The following KLHL20 variants were observed in gnomAD, a reference collection of about 807,000 sequenced individuals.
KLHL20 encodes kelch like family member 20, also known as kelch-like protein 20.
KLHL20 carries 29 observed loss-of-function variants against 69.5 expected under a neutral mutation model. The observed-to-expected ratio is 0.42, with a 90% CI of 0.31 to 0.57. KLHL20 has a LOEUF of 0.57. Among genes scored for constraint, KLHL20 ranks in the 20% least tolerant of loss-of-function variants. KLHL20 has a pLI of 0.18. For synonymous variants in KLHL20, 253 were observed against 265.2 expected, an observed-to-expected ratio of 0.95 and a Z score of 0.45; for missense variants, 419 against 776.0, an observed-to-expected ratio of 0.54 and a Z score of 5.47.
intron 5 of KLHL20, 81 bp from the exon 6 acceptor site, chr1:173,755,842 C>G: frequency 1.2e-6 from 1 of 862,554 alleles, no homozygotes. Context: ...CTTTGCCAAC[C>G]TATATATTCC....
chr1:173,762,096 T>G (rs1647343224), intron 7 of KLHL20, among the ~76,000 whole-genome samples: 1 of 151,970 alleles, frequency 6.6e-6, no homozygotes, highest in African/African-American at 2.4e-5. Flanking sequence ...ATGAACACCT[T>G]TACACATATA....
chr1:173,727,729 C>T (rs1013258844), intron 2 of KLHL20, among the ~76,000 whole-genome samples: 23 of 151,986 alleles, frequency 1.5e-4, no homozygotes, highest in Admixed American at 9.2e-4. Flanking sequence ...CAGACCTGCC[C>T]GAAAAGAGCT....
At chr1:173,722,896 G>A (rs1335678364) in intron 2 of KLHL20, among the ~76,000 whole-genome samples, 1 of 151,856 alleles carries the variant, frequency 6.6e-6, no homozygotes, top group Admixed American at 6.6e-5. Flanking sequence ...CACCATGTTG[G>A]CCAGGCTGGT....
At chr1:173,772,252 CTG>C (rs1458918289) in intron 8 of KLHL20, among the ~76,000 whole-genome samples, 1 of 152,152 alleles carries the variant, frequency 6.6e-6, no homozygotes, top group Admixed American at 6.5e-5. Context: ...GCAGATGAGT[CTG>C]TACCCTTTTG....
At chr1:173,767,210 C>T (rs184192644) in intron 8 of KLHL20, among the ~76,000 whole-genome samples, 3 of 152,116 alleles carry the variant, frequency 2.0e-5, no homozygotes, top group African/African-American at 7.2e-5. Flanking sequence ...TCCATGCCGT[C>T]GAAAATGTCA....
intron 6 of KLHL20, 59 bp downstream of exon 6, chr1:173,756,097 T>C (rs568133030): frequency 1.6e-6 from 2 of 1,212,686 alleles, no homozygotes; most frequent in South Asian, 1.3e-5. Flanking sequence ...GAAACTGTCA[T>C]TTGAAAAATC....
At chr1:173,782,008 A>G (rs1648910540) in intron 10 of KLHL20, 116 bp from the exon 11 acceptor site, 3 of 665,972 alleles carry the variant, frequency 4.5e-6, no homozygotes, top group Non-Finnish European at 7.9e-6. Flanking sequence ...TCAGTAAACC[A>G]GAATGTAAGG....
chr1:173,762,427 T>G (rs1647370209), intron 7 of KLHL20, among the ~76,000 whole-genome samples: 1 of 151,928 alleles, frequency 6.6e-6, no homozygotes, highest in Non-Finnish European at 1.5e-5. Context: ...AGGACATAAC[T>G]AAAAAAGAAA....
intron 10 of KLHL20, chr1:173,781,874 T>C (rs373046600): frequency 1.8e-5 from 6 of 340,284 alleles, no homozygotes; most frequent in Admixed American, 4.4e-5. Flanking sequence ...TCACTTCTAG[T>C]GAACAGTTTT....
chr1:173,771,627 G>A lies in KLHL20; in HGVS notation c.1296-2678G>A, dbSNP rs187620328. On this transcript the variant is annotated intron_variant, in intron 8 of 11. Transcript: ENST00000209884. ...ATATGTATATTTTTTAATTAGCCAG[G>A]CATGGTGGTGCACACCTGTATTCTC... 1.2e-3 allele frequency among the ~76,000 whole-genome samples: 180 copies of A among 152,186 alleles called. 1 individual carries two copies. Among genetic ancestry groups the A allele is most frequent in the Middle Eastern group, 3.4e-3 (1 of 294 alleles).
At chr1:173,776,525 G>C (rs1247951584) in intron 10 of KLHL20, among the ~76,000 whole-genome samples, 1 of 152,050 alleles carries the variant, frequency 6.6e-6, no homozygotes, top group Non-Finnish European at 1.5e-5. Context: ...AGTTTCCCCA[G>C]TGTTTTCTTT....
At chr1:173,749,087 T>G (rs544574793) in intron 3 of KLHL20, among the ~76,000 whole-genome samples, 26 of 152,270 alleles carry the variant, frequency 1.7e-4, no homozygotes, top group African/African-American at 5.8e-4. Context: ...CATGGCTCCA[T>G]GTAGGTGCAA....
chr1:173,771,637 G>A (rs1040715475), intron 8 of KLHL20, among the ~76,000 whole-genome samples: 17 of 152,212 alleles, frequency 1.1e-4, no homozygotes, highest in Middle Eastern at 6.8e-3. Context: ...GCATGGTGGT[G>A]CACACCTGTA....
intron 3 of KLHL20, among the ~76,000 whole-genome samples, chr1:173,750,641 T>C (rs144473192): frequency 1.3e-3 from 198 of 152,234 alleles, no homozygotes; most frequent in African/African-American, 4.5e-3. Context: ...CTCAAACTCC[T>C]GACCTCAAGT....
intron 11 of KLHL20, among the ~76,000 whole-genome samples, chr1:173,783,693 C>A (rs1392858426): frequency 6.6e-6 from 1 of 151,972 alleles, no homozygotes; most frequent in African/African-American, 2.4e-5. Context: ...CATGATGAAA[C>A]CTCGTCTCTA....
rs1649180958 is a variant in KLHL20 at position 173,785,929 on chromosome 1, TAG to T, written c.*685_*686del. On this transcript the variant is annotated 3_prime_UTR_variant, in exon 12 of 12. Transcript: ENST00000209884. Reference sequence around the variant, plus strand: ...TAGTCTTTTTTTCATAATATTCTCATAGAGTTTCTGCTAGATCTAGAGCTCTG... The same window carrying T: ...TAGTCTTTTTTTCATAATATTCTCATAGTTTCTGCTAGATCTAGAGCTCTG... 1 of 152,196 alleles carries T rather than the reference TAG, an allele frequency of 6.6e-6. No homozygotes were observed. Among genetic ancestry groups the T allele is most frequent in the Non-Finnish European group, 1.5e-5 (1 of 68,028 alleles). The allele number at this position is 152,196 out of a possible 1,614,324, so 9.4% of individuals were successfully genotyped here. A position where few individuals can be genotyped will look rare whatever the true frequency, so the allele number is the denominator to read the frequency against.
chr1:173,780,894 T>G (rs148989001), intron 10 of KLHL20, among the ~76,000 whole-genome samples: 1 of 151,932 alleles, frequency 6.6e-6, no homozygotes, highest in Non-Finnish European at 1.5e-5. Flanking sequence ...CATGCCCAGC[T>G]GTTTTTTTGT....
intron 11 of KLHL20, among the ~76,000 whole-genome samples, chr1:173,782,707 T>C (rs1648956355): frequency 6.6e-6 from 1 of 152,234 alleles, no homozygotes; most frequent in Non-Finnish European, 1.5e-5. Context: ...TAAAGCCATT[T>C]TAACTTTTAG....
At chr1:173,782,297 T>C in intron 11 of KLHL20, 67 bp downstream of exon 11, 1 of 1,180,722 alleles carries the variant, frequency 8.5e-7, no homozygotes, top group Non-Finnish European at 1.3e-6. Flanking sequence ...TGAAATAGCC[T>C]ATGACCATCA....
Sources: gnomAD v4.1 joint callset for allele counts (sites outside exome capture counted in the v4.1 genomes callset) on GRCh38, gnomAD v4.1.1 for gene constraint, MANE v1.5 for transcripts, NCBI Gene and HGNC (gene_info 2026-07-23, HGNC 2026-07-21) for gene names.